Variants in FTCDNL1 observed in about 807,000 individuals in gnomAD.
The protein encoded by FTCDNL1 is formiminotransferase cyclodeaminase N-terminal like.
FTCDNL1 carries 11 observed loss-of-function variants against 5.9 expected under a neutral mutation model. The ratio of observed to expected loss-of-function variants is 1.87; its 90% CI spans 1.18 to 3.10. The LOEUF (loss-of-function observed/expected upper bound fraction) is 3.10. Among genes scored for constraint, FTCDNL1 ranks in the 30% most tolerant of loss-of-function variants. The pLI, the probability that FTCDNL1 is intolerant of heterozygous loss-of-function variation, is 0.00. For synonymous variants in FTCDNL1, 58 were observed against 24.8 expected (o/e 2.34, Z -3.99); for missense variants, 115 against 65.5 (o/e 1.76, Z -2.61).
At chr2:199,693,185 A>G in the FTCDNL1 span, among the ~76,000 whole-genome samples, 1 of 152,226 alleles carries the variant, frequency 6.6e-6, no homozygotes, top group Non-Finnish European at 1.5e-5. Flanking sequence ...GAATGTAAAA[A>G]TGAAGTAGAC....
chr2:199,802,742 G>T (rs963766403), intron 3 of FTCDNL1, among the ~76,000 whole-genome samples: 1 of 152,138 alleles, frequency 6.6e-6, no homozygotes, highest in Non-Finnish European at 1.5e-5. Context: ...GAAATCTGGC[G>T]ATGTGCAGTT....
the FTCDNL1 span, among the ~76,000 whole-genome samples, chr2:199,717,986 C>CAAAAAAAAAAAA: frequency 1.4e-5 from 2 of 142,538 alleles, no homozygotes; most frequent in Non-Finnish European, 1.5e-5. Context: ...ACCAAAAAAA[C>CAAAAAAAAAAAA]AAAAAAAAAA....
chr2:199,804,553 A>C (rs537170888), downstream of FTCDNL1, among the ~76,000 whole-genome samples: 3 of 152,304 alleles, frequency 2.0e-5, no homozygotes, highest in African/African-American at 7.2e-5. Flanking sequence ...TCAAGTCAAC[A>C]CTCAGACTCC....
chr2:199,673,186 G>C, the FTCDNL1 span, among the ~76,000 whole-genome samples: 34 of 148,028 alleles, frequency 2.3e-4, no homozygotes, highest in African/African-American at 7.8e-4. Flanking sequence ...AAATTATCTG[G>C]GTGTGGTGGC....
chr2:199,812,806 G>A (rs1012725318), intron 4 of FTCDNL1, 82 bp from the exon 5 acceptor site: 23 of 635,532 alleles, frequency 3.6e-5, no homozygotes, highest in African/African-American at 5.6e-5. Context: ...CTAAATATTG[G>A]TGTTTACTCC....
intron 3 of FTCDNL1, among the ~76,000 whole-genome samples, chr2:199,772,569 C>T (rs189858219): frequency 9.9e-5 from 15 of 152,256 alleles, no homozygotes; most frequent in East Asian, 5.8e-4. Flanking sequence ...TCTGAATCAT[C>T]GTGGGGTTTA....
chr2:199,812,774 C>T (rs1190040093), intron 4 of FTCDNL1, 50 bp from the exon 5 acceptor site: 1 of 685,324 alleles, frequency 1.5e-6, no homozygotes, highest in East Asian at 2.7e-5. Flanking sequence ...TCCATGTGTG[C>T]TTTAATGAAA....
At chr2:199,760,639 T>C (rs1280119088) in exon 4 of FTCDNL1, 4 of 560,834 alleles carry the variant, frequency 7.1e-6, no homozygotes, top group African/African-American at 5.6e-5. Context: ...AAATGCAATA[T>C]ACCCTCTATT....
chr2:199,804,692 TTAGGAGCTATGTTCAC>T (rs1236897000), downstream of FTCDNL1, among the ~76,000 whole-genome samples: 20 of 152,150 alleles, frequency 1.3e-4, no homozygotes, highest in African/African-American at 4.6e-4. Flanking sequence ...GCTGTTTGTG[TTAGGAGCTATGTTCAC>T]AAAGAGTATT....
the FTCDNL1 span, among the ~76,000 whole-genome samples, chr2:199,689,810 T>TAAAAAA: frequency 8.5e-6 from 1 of 116,992 alleles, no homozygotes; most frequent in Non-Finnish European, 1.7e-5. Flanking sequence ...AAACTCCGTC[T>TAAAAAA]AAAAAAAAAA....
At position 199,819,614 on chromosome 2, in the gene FTCDNL1, G is replaced by A. The variant is rs1395844270; in HGVS notation, c.355C>T (p.Pro119Ser). The A allele has an allele frequency of 2.8e-6, 2 of 701,908 alleles. No homozygotes were observed. Among genetic ancestry groups the A allele is most frequent in the South Asian group, 1.5e-5 (1 of 67,566 alleles). The allele number at this position is 701,908 out of a possible 1,614,324, so 43.5% of individuals were successfully genotyped here. ...FTRRDFSALQ[P>S]DLGAAPSQRC... is the part of the protein sequence containing the mutation. Reference sequence around the variant, plus strand: ...TGGGAAGGGGCAGCTCCCAGGTCAGGCTGAAGAGCACTGAAATCCCTCCTC... The same window carrying A: ...TGGGAAGGGGCAGCTCCCAGGTCAGACTGAAGAGCACTGAAATCCCTCCTC... Residue 119 changes from proline to serine, a missense_variant, in exon 4 of 5, where the codon CCT (proline) becomes TCT (serine). Transcript: ENST00000420128.
rs970658650 is a variant in FTCDNL1, at chr2:199,800,118, G to A, written c.212-39283C>T. Among the ~76,000 whole-genome samples the A allele has an allele frequency of 5.9e-5, 9 of 152,204 alleles. No homozygotes were observed. The South Asian group carries it at 1.0e-3, about 18-fold the overall frequency. On this transcript the variant is annotated intron_variant, in intron 3 of 3. Transcript: ENST00000416668. ...CTAGGAAAGAAAGGACAGGCATAAC[G>A]GAGCATGTAACCTACCCTGGTGATC... is the stretch of plus-strand genomic sequence containing the variant.
At chr2:199,702,832 G>T in the FTCDNL1 span, among the ~76,000 whole-genome samples, 2 of 152,140 alleles carry the variant, frequency 1.3e-5, no homozygotes, top group Admixed American at 6.5e-5. Flanking sequence ...AAAGTAAAAC[G>T]AAGTGAGGAC....
At chr2:199,681,936 T>A in the FTCDNL1 span, among the ~76,000 whole-genome samples, 1 of 152,092 alleles carries the variant, frequency 6.6e-6, no homozygotes, top group Non-Finnish European at 1.5e-5. Flanking sequence ...TGTGTGTTAC[T>A]TTCCTATTAC....
At chr2:199,721,848 G>C in the FTCDNL1 span, among the ~76,000 whole-genome samples, 1 of 152,122 alleles carries the variant, frequency 6.6e-6, no homozygotes, top group East Asian at 1.9e-4. Flanking sequence ...TCTCATTGTG[G>C]TTTTGATTTG....
intron 3 of FTCDNL1, among the ~76,000 whole-genome samples, chr2:199,823,372 T>C (rs1056121205): frequency 6.6e-6 from 1 of 152,192 alleles, no homozygotes; most frequent in Non-Finnish European, 1.5e-5. Flanking sequence ...GCATCTAGAA[T>C]GGCAAATCCT....
intron 3 of FTCDNL1, among the ~76,000 whole-genome samples, chr2:199,773,998 T>C (rs369109633): frequency 1.4e-4 from 22 of 152,346 alleles, no homozygotes; most frequent in East Asian, 9.6e-4. Context: ...CTTTAGTCAA[T>C]AGAGTGTCCT....
chr2:199,690,178 A>G, the FTCDNL1 span, among the ~76,000 whole-genome samples: 1 of 152,226 alleles, frequency 6.6e-6, no homozygotes, highest in East Asian at 1.9e-4. Context: ...AAATGTTAAC[A>G]GTAGTTTTCT....
At chr2:199,692,951 C>G in the FTCDNL1 span, among the ~76,000 whole-genome samples, 21 of 152,180 alleles carry the variant, frequency 1.4e-4, no homozygotes, top group African/African-American at 4.6e-4. Context: ...TCCTTACAAA[C>G]AAGATGGCAA....
Sources: allele counts gnomAD v4.1 joint callset (sites outside exome capture counted in the v4.1 genomes callset), GRCh38; gene constraint gnomAD v4.1.1; transcripts MANE v1.5; gene names NCBI Gene and HGNC (gene_info 2026-07-23, HGNC 2026-07-21).